SLC9A9: variants seen among roughly 807,000 people sequenced by gnomAD.
SLC9A9 encodes the protein sodium/hydrogen exchanger 9.
SLC9A9 carries 62 observed loss-of-function variants against 77.8 expected under a neutral mutation model. The ratio of observed to expected loss-of-function variants is 0.80; its 90% CI spans 0.65 to 0.98. The LOEUF (loss-of-function observed/expected upper bound fraction) is 0.98, where lower values mean the gene tolerates loss of function less well. SLC9A9 is among the 50% of genes least tolerant of loss of function. The pLI is 0.00. For synonymous variants in SLC9A9, 320 were observed against 283.5 expected, an observed-to-expected ratio of 1.13 and a Z score of -1.29; for missense variants, 775 against 774.9, an observed-to-expected ratio of 1.00 and a Z score of 0.00.
intron 2 of SLC9A9, among the ~76,000 whole-genome samples, chr3:143,831,266 T>C (rs1411438321): frequency 6.6e-6 from 1 of 152,172 alleles, no homozygotes; most frequent in Non-Finnish European, 1.5e-5. Flanking sequence ...TACACACTTG[T>C]TAAACAGGAA....
intron 4 of SLC9A9, among the ~76,000 whole-genome samples, chr3:143,715,123 C>T (rs13086229): frequency 0.097 from 14,695 of 152,194 alleles, 871 homozygotes; most frequent in Non-Finnish European, 0.13. Flanking sequence ...AAACCTCTTT[C>T]TTTTTTGTAA....
chr3:143,608,935 T>C (rs1443707217), intron 6 of SLC9A9, among the ~76,000 whole-genome samples: 2 of 152,222 alleles, frequency 1.3e-5, no homozygotes. Flanking sequence ...TTTTTCTGTA[T>C]ATAGCTGAAT....
At chr3:143,499,059 G>A (rs908046949) in intron 9 of SLC9A9, among the ~76,000 whole-genome samples, 1 of 152,140 alleles carries the variant, frequency 6.6e-6, no homozygotes, top group African/African-American at 2.4e-5. Context: ...CAAAGCGGTG[G>A]TATCAATTTG....
intron 6 of SLC9A9, among the ~76,000 whole-genome samples, chr3:143,648,851 T>G (rs1448430515): frequency 1.3e-5 from 2 of 152,188 alleles, no homozygotes; most frequent in African/African-American, 4.8e-5. Context: ...ACAAAAATTC[T>G]TCGTCAAATC....
intron 1 of SLC9A9, among the ~76,000 whole-genome samples, chr3:143,833,851 G>A (rs1355641545): frequency 6.6e-6 from 1 of 152,170 alleles, no homozygotes; most frequent in African/African-American, 2.4e-5. Flanking sequence ...TGCATTTAGG[G>A]AGTCACTAGT....
At chr3:143,691,084 T>A (rs574836371) in intron 5 of SLC9A9, among the ~76,000 whole-genome samples, 3 of 152,148 alleles carry the variant, frequency 2.0e-5, no homozygotes, top group Admixed American at 6.6e-5. Context: ...TGATACTTGG[T>A]CTGTGGTTGA....
intron 4 of SLC9A9, among the ~76,000 whole-genome samples, chr3:143,705,004 T>TATCTATC (rs919193945): frequency 2.8e-5 from 1 of 36,120 alleles, no homozygotes; most frequent in Non-Finnish European, 6.7e-5. Context: ...AATATCTATC[T>TATCTATC]ATCTATCTAT....
intron 11 of SLC9A9, among the ~76,000 whole-genome samples, chr3:143,469,820 C>T (rs373785234): frequency 9.2e-5 from 14 of 152,196 alleles, no homozygotes; most frequent in African/African-American, 3.1e-4. Flanking sequence ...TAAATCTCCA[C>T]GTAGACATGG....
At chr3:143,371,630 G>A (rs2033061132) in intron 13 of SLC9A9, among the ~76,000 whole-genome samples, 1 of 152,016 alleles carries the variant, frequency 6.6e-6, no homozygotes, top group African/African-American at 2.4e-5. Flanking sequence ...AAATATGGTA[G>A]GGAATTTAAA....
chr3:143,644,214 GT>G (rs2038666887), intron 6 of SLC9A9, among the ~76,000 whole-genome samples: 1 of 152,144 alleles, frequency 6.6e-6, no homozygotes, highest in Non-Finnish European at 1.5e-5. Flanking sequence ...TTTGAATTGG[GT>G]TTCTATCACT....
chr3:143,349,390 G>T (rs1433969865), intron 14 of SLC9A9, among the ~76,000 whole-genome samples: 1 of 152,188 alleles, frequency 6.6e-6, no homozygotes, highest in East Asian at 1.9e-4. Context: ...CTAGGGAAAA[G>T]CTTCAGCATG....
intron 12 of SLC9A9, among the ~76,000 whole-genome samples, chr3:143,383,256 C>T (rs920327026): frequency 2.0e-5 from 3 of 152,204 alleles, no homozygotes; most frequent in Non-Finnish European, 4.4e-5. Context: ...CCATAGGACA[C>T]GTTTATATTT....
At chr3:143,510,601 T>C (rs920267757) in intron 9 of SLC9A9, among the ~76,000 whole-genome samples, 3 of 152,230 alleles carry the variant, frequency 2.0e-5, no homozygotes, top group African/African-American at 7.2e-5. Context: ...TTATTACGTC[T>C]TCTTGTACCC....
chr3:143,593,686 GT>G (rs1158634033), intron 6 of SLC9A9, among the ~76,000 whole-genome samples: 3 of 152,162 alleles, frequency 2.0e-5, no homozygotes, highest in Non-Finnish European at 4.4e-5. Context: ...GAGAGGGGCT[GT>G]AAAATTTATA....
intron 4 of SLC9A9, among the ~76,000 whole-genome samples, chr3:143,706,099 A>C (rs964181137): frequency 1.3e-5 from 2 of 152,232 alleles, no homozygotes; most frequent in African/African-American, 2.4e-5. Flanking sequence ...TTTCATCTAT[A>C]CTTGGGATGG....
chr3:143,814,806 C>T (rs1056399148), intron 2 of SLC9A9, among the ~76,000 whole-genome samples: 9 of 151,994 alleles, frequency 5.9e-5, no homozygotes, highest in African/African-American at 2.2e-4. Flanking sequence ...GTTTAAGGAC[C>T]AAGGGGAAAT....
chr3:143,603,941 G>C (rs2037884325), intron 6 of SLC9A9, among the ~76,000 whole-genome samples: 1 of 152,144 alleles, frequency 6.6e-6, no homozygotes, highest in African/African-American at 2.4e-5. Context: ...TGTGTCTTTT[G>C]TAAGACTATA....
At chr3:143,578,492 T>C (rs1234947082) in intron 7 of SLC9A9, 93 bp downstream of exon 7, 59 of 1,591,764 alleles carry the variant, frequency 3.7e-5, no homozygotes, top group Non-Finnish European at 5.1e-5. Flanking sequence ...ATCTAGCCTT[T>C]TATGGGCCTG....
intron 4 of SLC9A9, among the ~76,000 whole-genome samples, chr3:143,725,947 A>T (rs1256722361): frequency 6.6e-6 from 1 of 152,090 alleles, no homozygotes; most frequent in Non-Finnish European, 1.5e-5. Context: ...ATATAATTTT[A>T]TTCAAGTTAT....
Sources: gnomAD v4.1 joint callset for allele counts (sites outside exome capture counted in the v4.1 genomes callset) on GRCh38, gnomAD v4.1.1 for gene constraint, MANE v1.5 for transcripts, NCBI Gene and HGNC (gene_info 2026-07-23, HGNC 2026-07-21) for gene names.